Variants in RGS12 observed in about 807,000 individuals in gnomAD.
RGS12 encodes regulator of G protein signaling 12.
Under a neutral mutation model 120.1 loss-of-function variants are expected in RGS12, and 66 were observed. The ratio of observed to expected loss-of-function variants is 0.55; its 90% CI spans 0.45 to 0.67. The LOEUF is 0.67. RGS12 is among the 30% of genes least tolerant of loss of function. RGS12 has a pLI of 0.00. For synonymous variants in RGS12, 827 were observed against 804.7 expected, an observed-to-expected ratio of 1.03 and a Z score of -0.47; for missense variants, 1,859 against 1,957.7, an observed-to-expected ratio of 0.95 and a Z score of 0.95.
chr4:3,309,660 C>T (rs1239401737), intron 1 of RGS12, among the ~76,000 whole-genome samples: 5 of 106,872 alleles, frequency 4.7e-5, no homozygotes, highest in Non-Finnish European at 9.9e-5. Context: ...GGAGCTGGGA[C>T]CCTGGAATGG....
At chr4:3,417,135 G>T (rs1205826163) in intron 8 of RGS12, 43 bp downstream of exon 8, 2 of 1,534,986 alleles carry the variant, frequency 1.3e-6, no homozygotes, top group Non-Finnish European at 1.8e-6. Flanking sequence ...TGGGTTGTGT[G>T]TCATCAGCTG....
upstream of RGS12, among the ~76,000 whole-genome samples, chr4:3,289,152 G>T (rs534239846): frequency 5.3e-5 from 8 of 152,260 alleles, no homozygotes; most frequent in African/African-American, 1.9e-4. Flanking sequence ...TGTTTTACAT[G>T]TTTTCTTATT....
chr4:3,303,416 T>C (rs1723792367), intron 1 of RGS12, among the ~76,000 whole-genome samples: 1 of 152,258 alleles, frequency 6.6e-6, no homozygotes, highest in Non-Finnish European at 1.5e-5. Flanking sequence ...GTCTCACCTC[T>C]GTGGCCCTTG....
intron 8 of RGS12, 35 bp downstream of exon 8, chr4:3,417,127 G>T: frequency 1.3e-6 from 2 of 1,550,844 alleles, no homozygotes; most frequent in Non-Finnish European, 1.7e-6. Context: ...CGCCCCTGTG[G>T]GTTGTGTGTC....
intron 17 of RGS12, chr4:3,431,221 G>A (rs745697316): frequency 1.5e-5 from 20 of 1,339,618 alleles, no homozygotes; most frequent in Middle Eastern, 2.8e-4. Flanking sequence ...GGAATGATAC[G>A]TGGCAGTGCC....
chr4:3,320,777 G>A (rs1725123825), intron 2 of RGS12, among the ~76,000 whole-genome samples: 1 of 152,194 alleles, frequency 6.6e-6, no homozygotes, highest in East Asian at 1.9e-4. Flanking sequence ...GGGGTCATGA[G>A]GCGGCCACAA....
intron 3 of RGS12, among the ~76,000 whole-genome samples, chr4:3,346,611 A>C (rs1346317667): frequency 6.6e-6 from 1 of 152,160 alleles, no homozygotes; most frequent in Non-Finnish European, 1.5e-5. Flanking sequence ...TCTATGGGAG[A>C]AAGTTGGATG....
intron 4 of RGS12, among the ~76,000 whole-genome samples, chr4:3,387,411 A>T (rs1165479080): frequency 6.6e-6 from 1 of 152,200 alleles, no homozygotes; most frequent in Non-Finnish European, 1.5e-5. Context: ...CTCGCAGGCC[A>T]GCCACTCTGT....
At chr4:3,368,422 C>CTG (rs969003925) in intron 3 of RGS12, among the ~76,000 whole-genome samples, 2 of 97,838 alleles carry the variant, frequency 2.0e-5, no homozygotes, top group African/African-American at 3.9e-5. Flanking sequence ...GTGTGAGTGC[C>CTG]TGTGTGTGTG....
intron 4 of RGS12, among the ~76,000 whole-genome samples, chr4:3,399,703 C>T (rs1238212258): frequency 6.6e-6 from 1 of 152,208 alleles, no homozygotes; most frequent in Non-Finnish European, 1.5e-5. Context: ...TCAAAACCCC[C>T]ATAGGCACCA....
At chr4:3,423,820 G>T in intron 13 of RGS12, 179 bp downstream of exon 13, 1 of 696,450 alleles carries the variant, frequency 1.4e-6, no homozygotes. Context: ...TCTGTGCAGT[G>T]GGAGCCATCA....
chr4:3,432,417 G>T (rs943696084), intron 17 of RGS12, among the ~76,000 whole-genome samples: 1 of 152,220 alleles, frequency 6.6e-6, no homozygotes, highest in African/African-American at 2.4e-5. Context: ...GGCGGGTGCT[G>T]AGATGAGCTG....
chr4:3,334,686 T>C (rs1712254378), intron 2 of RGS12, among the ~76,000 whole-genome samples: 1 of 152,188 alleles, frequency 6.6e-6, no homozygotes, highest in Admixed American at 6.5e-5. Flanking sequence ...ATTTTAAAAT[T>C]AGGGATAAAG....
At chr4:3,343,772 GAA>G (rs1485006427) in intron 3 of RGS12, among the ~76,000 whole-genome samples, 2 of 151,786 alleles carry the variant, frequency 1.3e-5, no homozygotes, top group Non-Finnish European at 2.9e-5. Flanking sequence ...CCCTCCCGTT[GAA>G]CTCTGACAAC....
At position 3,438,369 on chromosome 4, in the gene RGS12, T is replaced by TA. The variant is rs1229365163; in HGVS notation, c.4115-1086_4115-1085insA. Among the ~76,000 whole-genome samples, 7 of 145,064 alleles carry TA rather than the reference T, an allele frequency of 4.8e-5. No homozygotes were observed. The East Asian group carries it at 1.1e-3, about 22-fold the overall frequency. On this transcript the variant is annotated intron_variant, in intron 17 of 17. Transcript: ENST00000336727. ...GGCAACGTCACCCCCACCGCACAGA[T>TA]GGGGGGGTGGGGTCACTGGGCGGGT...
chr4:3,287,181 G>C, the RGS12 span, among the ~76,000 whole-genome samples: 136 of 152,354 alleles, frequency 8.9e-4, 1 homozygote, highest in African/African-American at 3.1e-3. Context: ...AGAGCCCCGG[G>C]AGGGCGGCGT....
At chr4:3,387,498 G>A (rs949564884) in intron 4 of RGS12, among the ~76,000 whole-genome samples, 9 of 152,266 alleles carry the variant, frequency 5.9e-5, no homozygotes, top group African/African-American at 2.2e-4. Context: ...AGGAGGAGGA[G>A]CATATCTTGG....
intron 17 of RGS12, chr4:3,431,171 G>A (rs1473844051): frequency 2.3e-5 from 33 of 1,410,438 alleles, no homozygotes; most frequent in Non-Finnish European, 2.9e-5. Flanking sequence ...CCCCCGAGGC[G>A]CTCTGGGCAG....
intron 2 of RGS12, among the ~76,000 whole-genome samples, chr4:3,339,942 T>C (rs992038588): frequency 1.7e-4 from 26 of 152,228 alleles, no homozygotes; most frequent in Admixed American, 1.4e-3. Context: ...ACAGCCTTAA[T>C]CTCACAAAGC....
Sources: allele counts gnomAD v4.1 joint callset (sites outside exome capture counted in the v4.1 genomes callset), GRCh38; gene constraint gnomAD v4.1.1; transcripts MANE v1.5; gene names NCBI Gene and HGNC (gene_info 2026-07-23, HGNC 2026-07-21).